The following SLC5A5 variants were observed in gnomAD, a reference collection of about 807,000 sequenced individuals.
The protein encoded by SLC5A5 is solute carrier family 5 member 5, also known as sodium/iodide cotransporter.
Under a neutral mutation model 68.6 loss-of-function variants are expected in SLC5A5, and 56 were observed. The ratio of observed to expected loss-of-function variants is 0.82; its 90% confidence interval spans 0.66 to 1.02. The LOEUF (loss-of-function observed/expected upper bound fraction) is 1.02. Ranked by LOEUF, SLC5A5 falls within the 50% of genes least tolerant of loss-of-function variation. The pLI is 0.00. For synonymous variants in SLC5A5, 398 were observed against 373.0 expected, an observed-to-expected ratio of 1.07 and a Z score of -0.77; for missense variants, 807 against 859.8, an observed-to-expected ratio of 0.94 and a Z score of 0.77.
chr19:17,876,014 C>T lies in SLC5A5; in HGVS notation c.606C>T (p.Phe202=). ...VFQVVVMLSG[F]WVVLARGVML... is the part of the protein sequence containing the mutation. ...AGGTCGTGGTGATGCTAAGTGGCTTCTGGGTTGTCCTGGCACGCGGTGTCA... is the reference window on the plus strand; with the variant it reads ...AGGTCGTGGTGATGCTAAGTGGCTTTTGGGTTGTCCTGGCACGCGGTGTCA... Residue 202 remains phenylalanine (F), a synonymous_variant, in exon 5 of 15, where the codon TTC becomes TTT. Coordinates refer to ENST00000222248, the MANE Select transcript of SLC5A5 (RefSeq NM_000453.3). 2 of 1,614,186 alleles carry T rather than the reference C, an allele frequency of 1.2e-6. No homozygotes were observed. Among genetic ancestry groups the T allele is most frequent in the Non-Finnish European group, 1.7e-6 (2 of 1,180,034 alleles).
chr19:17,890,036 G>C (rs2030103514), intron 13 of SLC5A5, among the ~76,000 whole-genome samples: 2 of 152,034 alleles, frequency 1.3e-5, no homozygotes, highest in South Asian at 4.1e-4. Context: ...CCGTGTGCTG[G>C]ACCCTCCCAG....
chr19:17,874,609 A>G, intron 3 of SLC5A5, 55 bp from the exon 4 acceptor site: 1 of 1,612,856 alleles, frequency 6.2e-7, no homozygotes, highest in Non-Finnish European at 8.5e-7. Context: ...GGAGAACCCA[A>G]GACTAAGTTT....
intron 5 of SLC5A5, among the ~76,000 whole-genome samples, chr19:17,877,206 C>T (rs1034395354): frequency 8.5e-5 from 13 of 152,090 alleles, no homozygotes; most frequent in Non-Finnish European, 7.4e-5. Context: ...TTTTTAAGTG[C>T]GTGGATAGAT....
chr19:17,873,078 C>G (rs2094298304), intron 1 of SLC5A5, among the ~76,000 whole-genome samples: 1 of 152,160 alleles, frequency 6.6e-6, no homozygotes, highest in Non-Finnish European at 1.5e-5. Context: ...GTATCTTGGG[C>G]AAGGGGCGTG....
rs1461409815 is a variant in SLC5A5 at position 17,872,232 on chromosome 19, C to T, written c.-88C>T. The stretch of plus-strand genomic sequence containing the variant: ...GCCGAGCATCCTCCCACCCGCCCTC[C>T]CCGTCCTGCCTCCTCGGCCCCTGCC... On this transcript the variant is annotated 5_prime_UTR_variant, in exon 1 of 15. Transcript: ENST00000222248. 5 of 650,274 alleles carry T rather than the reference C, an allele frequency of 7.7e-6. No homozygotes were observed. The highest frequency in any genetic ancestry group is 1.4e-5 in the Non-Finnish European group (5 of 368,700). 40.3% of individuals were successfully genotyped at this position (650,274 alleles called of 1,614,324 possible).
intron 7 of SLC5A5, among the ~76,000 whole-genome samples, chr19:17,880,107 G>A (rs1310821787): frequency 2.0e-5 from 3 of 151,992 alleles, no homozygotes; most frequent in Admixed American, 6.6e-5. Flanking sequence ...TGCCATGTTG[G>A]CCAGGCTGGT....
rs564172648 is a variant in SLC5A5 at position 17,875,506 on chromosome 19, T to G, written c.544-446T>G. 4.6e-5 allele frequency among the ~76,000 whole-genome samples: 7 copies of G among 152,216 alleles called. No individual in the cohort carries two copies. The East Asian group carries it at 1.4e-3, about 29-fold the overall frequency. ...TACTGGGCACAGTGGCTCATACCTG[T>G]AATCCCAGCACTTTGAGAGGCCAAG... is the stretch of plus-strand genomic sequence containing the variant. On this transcript the variant is annotated intron_variant, in intron 4 of 14. Transcript: ENST00000222248.
At chr19:17,880,815 C>T (rs372499102) in intron 7 of SLC5A5, 50 bp from the exon 8 acceptor site, 362 of 1,391,360 alleles carry the variant, frequency 2.6e-4, no homozygotes, top group Non-Finnish European at 2.5e-4. Flanking sequence ...ATAGATGCCC[C>T]GGTCCTCGGG....
chr19:17,889,754 A>G (rs73922745), intron 13 of SLC5A5, among the ~76,000 whole-genome samples: 6,488 of 152,090 alleles, frequency 0.043, 378 homozygotes, highest in East Asian at 0.13. Context: ...CTCCCCAACA[A>G]GATTAAGTCC....
In SLC5A5 at chr19:17,880,111, G is replaced by A. The variant is rs140688470; in HGVS notation, c.970-754G>A. 6.6e-3 allele frequency among the ~76,000 whole-genome samples: 1,000 copies of A among 152,154 alleles called. 7 individuals carry two copies. The highest frequency in any genetic ancestry group is 0.021 in the African/African-American group (867 of 41,524). ...GGGTGGGGTTTTGCCATGTTGGCCAGGCTGGTCTCAAACTCCTGACCTCAG... is the reference window on the plus strand; with the variant it reads ...GGGTGGGGTTTTGCCATGTTGGCCAAGCTGGTCTCAAACTCCTGACCTCAG... On this transcript the variant is annotated intron_variant, in intron 7 of 14. Coordinates refer to ENST00000222248, the MANE Select transcript of SLC5A5 (RefSeq NM_000453.3).
intron 14 of SLC5A5, among the ~76,000 whole-genome samples, chr19:17,892,026 G>A (rs578090122): frequency 1.2e-4 from 18 of 152,260 alleles, no homozygotes; most frequent in African/African-American, 3.4e-4. Context: ...GGCCGGGCAC[G>A]GTAGCTCACG....
intron 10 of SLC5A5, 53 bp from the exon 11 acceptor site, chr19:17,883,628 C>G (rs1014121746): frequency 1.4e-6 from 2 of 1,447,520 alleles, no homozygotes; most frequent in African/African-American, 2.8e-5. Context: ...AAACTGAGGC[C>G]CAGAGCGGTG....
Position 17,894,486 on chromosome 19 carries a change from C to T in SLC5A5, c.*609C>T, listed in dbSNP as rs1315063750. The T allele has an allele frequency of 6.6e-6, 1 of 152,410 alleles. No individual in the cohort carries two copies. The allele number at this position is 152,410 out of a possible 1,614,324, so 9.4% of individuals were successfully genotyped here. A position where few individuals can be genotyped will look rare whatever the true frequency, so the allele number is the denominator to read the frequency against. ...AATCTATAATAGAAAGCCACCACGC[C>T]CAGGTAATTTTTGTAATTTTGTATT... On this transcript the variant is annotated 3_prime_UTR_variant, in exon 15 of 15. Coordinates refer to ENST00000222248, the MANE Select transcript of SLC5A5 (RefSeq NM_000453.3).
intron 5 of SLC5A5, among the ~76,000 whole-genome samples, chr19:17,876,734 C>G (rs1164465148): frequency 1.3e-5 from 2 of 151,994 alleles, no homozygotes; most frequent in Non-Finnish European, 2.9e-5. Context: ...TGCTGGCAGG[C>G]GCCTGTAATC....
chr19:17,872,864 G>T (rs547287012), intron 1 of SLC5A5, among the ~76,000 whole-genome samples, 188 bp downstream of exon 1: 1 of 152,326 alleles, frequency 6.6e-6, no homozygotes, highest in Non-Finnish European at 1.5e-5. Flanking sequence ...CGCCCGGCGA[G>T]GGGCAGGAAG....
At position 17,876,023 on chromosome 19, in the gene SLC5A5, C is replaced by A. The variant is rs149627321; in HGVS notation, c.615C>A (p.Val205=). Residue 205 remains valine, a synonymous_variant, in exon 5 of 15, where the codon GTC becomes GTA. Coordinates refer to ENST00000222248, the MANE Select transcript of SLC5A5 (RefSeq NM_000453.3). ...TGATGCTAAGTGGCTTCTGGGTTGT[C>A]CTGGCACGCGGTGTCATGCTTGTGG... ...VVVMLSGFWV[V]LARGVMLVGG... is the part of the protein sequence containing the mutation. 2.5e-5 allele frequency: 40 copies of A among 1,614,178 alleles called. No homozygotes were observed. The East Asian group carries it at 8.5e-4, about 34-fold the overall frequency.
chr19:17,879,030 C>T (rs999453348), intron 7 of SLC5A5, among the ~76,000 whole-genome samples: 7 of 146,952 alleles, frequency 4.8e-5, no homozygotes, highest in Non-Finnish European at 8.9e-5. Context: ...CGGTGGCTTA[C>T]GCCTATAATC....
chr19:17,873,963 C>T (rs1207815404), intron 1 of SLC5A5, among the ~76,000 whole-genome samples, 175 bp from the exon 2 acceptor site: 1 of 152,216 alleles, frequency 6.6e-6, no homozygotes, highest in African/African-American at 2.4e-5. Flanking sequence ...CGCACAGGCA[C>T]GGGATGGCAC....
chr19:17,877,718 C>T lies in SLC5A5; in HGVS notation c.699-5C>T, dbSNP rs751563791. ...ACGTGGCTAACTTGCCCTGTCCCCA[C>T]CCAGCTTTAACCCTGACCCGAGGAG... On this transcript the variant is annotated splice_region_variant and splice_polypyrimidine_tract_variant and intron_variant, in intron 5 of 14. Coordinates refer to ENST00000222248, the MANE Select transcript of SLC5A5 (RefSeq NM_000453.3). 3 of 1,614,102 alleles carry T rather than the reference C, an allele frequency of 1.9e-6. No individual in the cohort carries two copies. The highest frequency in any genetic ancestry group is 2.5e-6 in the Non-Finnish European group (3 of 1,180,024).
Sources: allele counts gnomAD v4.1 joint callset (sites outside exome capture counted in the v4.1 genomes callset), GRCh38; gene constraint gnomAD v4.1.1; transcripts MANE v1.5; gene names NCBI Gene and HGNC (gene_info 2026-07-23, HGNC 2026-07-21).